The following NELL2 variants were observed in gnomAD, a reference collection of about 807,000 sequenced individuals.
NELL2 encodes neural EGFL like 2, also known as protein kinase C-binding protein NELL2.
Under a neutral mutation model 109.6 loss-of-function variants are expected in NELL2, and 41 were observed. That is an observed-to-expected ratio of 0.37 (90% confidence interval 0.29 to 0.49). NELL2 has a LOEUF of 0.49. Among genes scored for constraint, NELL2 ranks in the 20% least tolerant of loss-of-function variants. The pLI is 0.98. For synonymous variants in NELL2, 355 were observed against 344.7 expected (o/e 1.03, Z -0.33); for missense variants, 900 against 1,008.3 (o/e 0.89, Z 1.45).
chr12:44,842,403 T>C (rs1944256679), intron 2 of NELL2, among the ~76,000 whole-genome samples: 1 of 152,132 alleles, frequency 6.6e-6, no homozygotes, highest in Non-Finnish European at 1.5e-5. Flanking sequence ...AAAAAAATCA[T>C]CCTTGGATTT....
Position 44,876,312 on chromosome 12 carries a change from C to A in NELL2, c.-443G>T. The A allele has an allele frequency of 4.3e-6, 5 of 1,171,158 alleles. No homozygotes were observed. Among genetic ancestry groups the A allele is most frequent in the East Asian group, 4.2e-5 (1 of 23,550 alleles). The allele number at this position is 1,171,158 out of a possible 1,614,324, so 72.5% of individuals were successfully genotyped here. A position where few individuals can be genotyped will look rare whatever the true frequency, so the allele number is the denominator to read the frequency against. On this transcript the variant is annotated 5_prime_UTR_variant, in exon 1 of 20. Coordinates refer to ENST00000429094, the MANE Select transcript of NELL2 (RefSeq NM_001145108.2). The stretch of plus-strand genomic sequence containing the variant: ...CCCGAACCTGTTGTAAAGGCAGAGA[C>A]AATGGAGAAAGCTCCGGGAGACGCG...
At chr12:44,862,283 T>C (rs567331735) in intron 2 of NELL2, among the ~76,000 whole-genome samples, 3 of 152,354 alleles carry the variant, frequency 2.0e-5, no homozygotes, top group African/African-American at 7.2e-5. Context: ...TGCTCCAGTA[T>C]ATAGGCTTTA....
intron 13 of NELL2, among the ~76,000 whole-genome samples, chr12:44,624,415 C>A (rs80113339): frequency 2.0e-5 from 3 of 152,084 alleles, no homozygotes; most frequent in Non-Finnish European, 2.9e-5. Context: ...CTAGGGAAAA[C>A]GCTCACTCTT....
intron 13 of NELL2, among the ~76,000 whole-genome samples, chr12:44,615,972 C>T (rs1014625631): frequency 1.3e-5 from 2 of 152,160 alleles, no homozygotes; most frequent in African/African-American, 4.8e-5. Flanking sequence ...GCACCAATTG[C>T]CCGCACTTAA....
chr12:44,593,184 G>A (rs1361858615), intron 15 of NELL2, among the ~76,000 whole-genome samples: 3 of 152,214 alleles, frequency 2.0e-5, no homozygotes, highest in Non-Finnish European at 4.4e-5. Flanking sequence ...TGGGAGTTAA[G>A]CTTAGGAGAG....
chr12:44,582,769 A>G (rs143725334), intron 15 of NELL2, among the ~76,000 whole-genome samples: 2 of 152,284 alleles, frequency 1.3e-5, no homozygotes, highest in African/African-American at 4.8e-5. Context: ...TGTGTCACTC[A>G]AAGTTCATAT....
chr12:44,789,684 C>T (rs1942309806), intron 3 of NELL2, among the ~76,000 whole-genome samples: 1 of 151,730 alleles, frequency 6.6e-6, no homozygotes, highest in South Asian at 2.1e-4. Context: ...CAGGGAGACA[C>T]CAGAGAAAGA....
intron 15 of NELL2, among the ~76,000 whole-genome samples, chr12:44,577,465 GTTTTTTTTTTTTTTT>G (rs746239984): frequency 2.4e-4 from 20 of 83,438 alleles, no homozygotes; most frequent in African/African-American, 1.4e-3. Flanking sequence ...CAGATGAGTA[GTTTTTTTTTTTTTTT>G]TTTTTTTTTT....
chr12:44,543,988 C>T (rs1379013995), intron 15 of NELL2, among the ~76,000 whole-genome samples: 1 of 151,868 alleles, frequency 6.6e-6, no homozygotes, highest in Admixed American at 6.6e-5. Flanking sequence ...TATATACAGT[C>T]CATAGGTAAA....
At chr12:44,858,906 A>G (rs1297650196) in intron 2 of NELL2, among the ~76,000 whole-genome samples, 2 of 152,244 alleles carry the variant, frequency 1.3e-5, no homozygotes, top group Non-Finnish European at 2.9e-5. Flanking sequence ...ATGATTTCAC[A>G]TTCAAGGATT....
At chr12:44,921,027 T>C (rs891550009) in intron 1 of NELL2, among the ~76,000 whole-genome samples, 2 of 152,158 alleles carry the variant, frequency 1.3e-5, no homozygotes, top group Non-Finnish European at 2.9e-5. Context: ...TCATTTGAGA[T>C]CCTAATCTAC....
intron 12 of NELL2, among the ~76,000 whole-genome samples, chr12:44,670,075 G>A (rs571337079): frequency 2.0e-5 from 3 of 152,194 alleles, no homozygotes; most frequent in African/African-American, 7.2e-5. Flanking sequence ...AGAAGGGAGT[G>A]ATGTATTCAA....
chr12:44,836,358 C>T (rs1238953506), intron 2 of NELL2, among the ~76,000 whole-genome samples: 1 of 152,192 alleles, frequency 6.6e-6, no homozygotes, highest in Non-Finnish European at 1.5e-5. Context: ...CACAGTTACC[C>T]AAGCCTAGAA....
intron 15 of NELL2, among the ~76,000 whole-genome samples, chr12:44,567,805 C>CTA (rs1943717138): frequency 2.0e-5 from 3 of 152,108 alleles, no homozygotes; most frequent in Non-Finnish European, 4.4e-5. Flanking sequence ...TTGCCCTGAT[C>CTA]AGACAATCAT....
chr12:44,573,854 T>C (rs182295130), intron 15 of NELL2, among the ~76,000 whole-genome samples: 38 of 152,258 alleles, frequency 2.5e-4, no homozygotes, highest in African/African-American at 4.6e-4. Context: ...ATTTTAACTG[T>C]ACACAGGGAG....
intron 12 of NELL2, among the ~76,000 whole-genome samples, chr12:44,691,427 C>T (rs1948896576): frequency 6.6e-6 from 1 of 152,170 alleles, no homozygotes; most frequent in Non-Finnish European, 1.5e-5. Context: ...GATGGCTCTA[C>T]TGACTGGCCA....
intron 9 of NELL2, among the ~76,000 whole-genome samples, chr12:44,755,891 C>T (rs1302767807): frequency 2.6e-5 from 4 of 152,182 alleles, no homozygotes; most frequent in Non-Finnish European, 5.9e-5. Context: ...CTCATGCCTA[C>T]ATCTGGGTTG....
intron 12 of NELL2, among the ~76,000 whole-genome samples, chr12:44,697,961 C>G (rs914511624): frequency 5.3e-5 from 8 of 152,288 alleles, no homozygotes; most frequent in African/African-American, 1.7e-4. Flanking sequence ...TGCTCCTCAC[C>G]TAGCTGCTGG....
intron 12 of NELL2, among the ~76,000 whole-genome samples, chr12:44,686,770 G>A (rs770830701): frequency 3.3e-5 from 5 of 152,316 alleles, no homozygotes; most frequent in Non-Finnish European, 7.4e-5. Context: ...CAGTCTGTCC[G>A]TTCTCAGATC....
Sources: gnomAD v4.1 joint callset for allele counts (sites outside exome capture counted in the v4.1 genomes callset) on GRCh38, gnomAD v4.1.1 for gene constraint, MANE v1.5 for transcripts, NCBI Gene and HGNC (gene_info 2026-07-23, HGNC 2026-07-21) for gene names.